MYOCD: variants seen among roughly 807,000 people sequenced by gnomAD.
MYOCD encodes the protein myocardin.
MYOCD carries 32 observed loss-of-function variants against 96.1 expected under a neutral mutation model. The observed-to-expected ratio is 0.33, with a 90% CI of 0.25 to 0.45. The LOEUF (loss-of-function observed/expected upper bound fraction) is 0.45, where lower values mean the gene tolerates loss of function less well. Among genes scored for constraint, MYOCD ranks in the 20% least tolerant of loss-of-function variants. MYOCD has a pLI of 1.00. For missense variants in MYOCD, 1,133 were observed against 1,200.6 expected (o/e 0.94, Z 0.83); for synonymous variants, 469 against 469.0 (o/e 1.00, Z 0.00).
chr17:12,767,583 C>T lies in MYOCD; in HGVS notation c.*3939C>T, dbSNP rs776213865. The T allele has an allele frequency of 6.6e-6, 1 of 151,468 alleles. No individual in the cohort carries two copies. The highest frequency in any genetic ancestry group is 6.6e-5 in the Admixed American group (1 of 15,212). The allele number at this position is 151,468 out of a possible 1,614,324, so 9.4% of individuals were successfully genotyped here. On this transcript the variant is annotated 3_prime_UTR_variant, in exon 14 of 14. Coordinates refer to ENST00000425538, the MANE Select transcript of MYOCD (RefSeq NM_001146312.3). Reference sequence around the variant, plus strand: ...AGAACACTAAGAATCTCCCAGTCCTCAAACTAGAAACCTTTCAGCTACGAT... The same window carrying T: ...AGAACACTAAGAATCTCCCAGTCCTTAAACTAGAAACCTTTCAGCTACGAT...
intron 1 of MYOCD, among the ~76,000 whole-genome samples, chr17:12,676,871 T>A (rs766263097): frequency 3.9e-5 from 6 of 152,218 alleles, no homozygotes; most frequent in Non-Finnish European, 8.8e-5. Flanking sequence ...TGCATGCTTT[T>A]AAGCTCTCAA....
chr17:12,704,634 A>G (rs965235844), intron 1 of MYOCD, among the ~76,000 whole-genome samples: 16 of 152,144 alleles, frequency 1.1e-4, no homozygotes, highest in Non-Finnish European at 2.4e-4. Flanking sequence ...TGTTTTATCA[A>G]ACTTTATGGC....
At chr17:12,714,998 C>T (rs1185656827) in intron 2 of MYOCD, among the ~76,000 whole-genome samples, 1 of 152,062 alleles carries the variant, frequency 6.6e-6, no homozygotes, top group South Asian at 2.1e-4. Flanking sequence ...TGATTCTCTG[C>T]TTCTCACTCA....
intron 11 of MYOCD, 26 bp from the exon 12 acceptor site, chr17:12,758,059 C>A (rs1021347573): frequency 6.7e-7 from 1 of 1,497,140 alleles, no homozygotes; most frequent in East Asian, 2.3e-5. Context: ...GAATTCAATG[C>A]CTTTCTTCAT....
chr17:12,733,093 G>A (rs2032226740), intron 5 of MYOCD, among the ~76,000 whole-genome samples: 1 of 151,806 alleles, frequency 6.6e-6, no homozygotes, highest in Non-Finnish European at 1.5e-5. Context: ...GGTGGATCAC[G>A]AGGTCAGGAG....
At chr17:12,688,011 G>C (rs997437963) in intron 1 of MYOCD, among the ~76,000 whole-genome samples, 2 of 152,144 alleles carry the variant, frequency 1.3e-5, no homozygotes, top group Admixed American at 1.3e-4. Flanking sequence ...TGATTCTTTG[G>C]ATAATAAAAC....
At chr17:12,668,704 T>TG (rs1444847328) in intron 1 of MYOCD, among the ~76,000 whole-genome samples, 1 of 152,132 alleles carries the variant, frequency 6.6e-6, no homozygotes, top group Non-Finnish European at 1.5e-5. Flanking sequence ...CTCTGCTTAC[T>TG]AGCTACATGA....
At chr17:12,741,716 T>TAA (rs66958558) in intron 7 of MYOCD, among the ~76,000 whole-genome samples, 2 of 87,168 alleles carry the variant, frequency 2.3e-5, no homozygotes, top group Admixed American at 2.3e-4. Context: ...TATATATATA[T>TAA]AAAAAAAAAA....
At chr17:12,748,177 A>T (rs1434716224) in intron 9 of MYOCD, among the ~76,000 whole-genome samples, 3 of 148,828 alleles carry the variant, frequency 2.0e-5, no homozygotes, top group Non-Finnish European at 4.5e-5. Flanking sequence ...AAAAAAAAAA[A>T]ACAAAAAAAC....
chr17:12,737,559 G>A (rs2032383485), intron 6 of MYOCD, among the ~76,000 whole-genome samples: 1 of 152,172 alleles, frequency 6.6e-6, no homozygotes, highest in African/African-American at 2.4e-5. Context: ...ATGAGGGGAA[G>A]GAGATGCGTA....
rs2033257224 is a variant in MYOCD at position 12,763,719 on chromosome 17, C to T, written c.*75C>T. ...AAAGCACACAGCCATACATACTTTA[C>T]TGTCCAAAAACAGAAGAAGAAGAAG... On this transcript the variant is annotated 3_prime_UTR_variant, in exon 14 of 14. Transcript: ENST00000425538. The T allele has an allele frequency of 1.6e-6, 2 of 1,279,958 alleles. No individual in the cohort carries two copies. The highest frequency in any genetic ancestry group is 1.1e-6 in the Non-Finnish European group (1 of 926,076). 79.3% of individuals were successfully genotyped at this position (1,279,958 alleles called of 1,614,324 possible).
At position 12,753,465 on chromosome 17, in the gene MYOCD, G is replaced by A. The variant is rs1042869652; in HGVS notation, c.2058+119G>A. Reference sequence around the variant, plus strand: ...ATGGGAAGGGTTTACCAAAAGCATAGCAGAATCTCCCAGACACTACAATCC... The same window carrying A: ...ATGGGAAGGGTTTACCAAAAGCATAACAGAATCTCCCAGACACTACAATCC... On this transcript the variant is annotated intron_variant, in intron 10 of 13. Transcript: ENST00000425538. 2.7e-5 allele frequency: 24 copies of A among 900,760 alleles called. No homozygotes were observed. The African/African-American group carries it at 3.4e-4, about 13-fold the overall frequency. The allele number at this position is 900,760 out of a possible 1,614,324, so 55.8% of individuals were successfully genotyped here.
At chr17:12,728,699 G>C (rs770619843) in intron 5 of MYOCD, among the ~76,000 whole-genome samples, 6 of 152,074 alleles carry the variant, frequency 3.9e-5, no homozygotes, top group Non-Finnish European at 7.4e-5. Flanking sequence ...GGCTTGTCTC[G>C]AACTCCCCAC....
chr17:12,699,369 C>T (rs1465887276), intron 1 of MYOCD, among the ~76,000 whole-genome samples: 5 of 152,114 alleles, frequency 3.3e-5, no homozygotes, highest in African/African-American at 1.2e-4. Context: ...AGTGATCCAC[C>T]CGCCTTGGCC....
chr17:12,744,063 AT>A, intron 7 of MYOCD, 119 bp from the exon 8 acceptor site: 1 of 1,211,962 alleles, frequency 8.3e-7, no homozygotes, highest in Non-Finnish European at 1.2e-6. Flanking sequence ...CCTTTGCTAT[AT>A]TATATTTCTG....
intron 1 of MYOCD, among the ~76,000 whole-genome samples, chr17:12,691,399 T>G (rs2030438507): frequency 6.6e-6 from 1 of 152,012 alleles, no homozygotes; most frequent in African/African-American, 2.4e-5. Flanking sequence ...GCCATCAGAG[T>G]CTGGGATCAT....
rs76376961 is a variant in MYOCD, at chr17:12,743,237, C to T, written c.718-946C>T. 4.5e-3 allele frequency among the ~76,000 whole-genome samples: 688 copies of T among 152,148 alleles called. 3 individuals are homozygous for T. The highest frequency in any genetic ancestry group is 0.016 in the African/African-American group (661 of 41,524). On this transcript the variant is annotated intron_variant, in intron 7 of 13. Transcript: ENST00000425538. ...GTTCCAGTTAGGTGGATAACCCTTC[C>T]CATAATAAGTAAAGTGTCCTTATTT... is the stretch of plus-strand genomic sequence containing the variant.
intron 2 of MYOCD, among the ~76,000 whole-genome samples, chr17:12,710,039 A>T (rs1435964549): frequency 6.6e-6 from 1 of 152,216 alleles, no homozygotes; most frequent in Non-Finnish European, 1.5e-5. Flanking sequence ...TGGGGAACAC[A>T]CACAGAGAAG....
chr17:12,746,051 A>T lies in MYOCD; in HGVS notation c.1104A>T (p.Pro368=). Residue 368 remains proline (P), a synonymous_variant, in exon 9 of 14, where the codon CCA becomes CCT. Transcript: ENST00000425538. ...CTTCTTTCAAACCAGGCCCACTCCC[A>T]CCTAACCTGGATGATCTGAAGGTAT... is the stretch of plus-strand genomic sequence containing the variant. ...GVSSFKPGPL[P]PNLDDLKVSE... is the part of the protein sequence containing the mutation. 1 of 1,614,084 alleles carries T rather than the reference A, an allele frequency of 6.2e-7. No individual in the cohort carries two copies. Among genetic ancestry groups the T allele is most frequent in the Non-Finnish European group, 8.5e-7 (1 of 1,180,012 alleles).
Sources: gnomAD v4.1 joint callset for allele counts (sites outside exome capture counted in the v4.1 genomes callset) on GRCh38, gnomAD v4.1.1 for gene constraint, MANE v1.5 for transcripts, NCBI Gene and HGNC (gene_info 2026-07-23, HGNC 2026-07-21) for gene names.